GALNT18: variants seen among roughly 807,000 people sequenced by gnomAD.
GALNT18 encodes GalNAc-transferase 18.
GALNT18 carries 44 observed loss-of-function variants against 69.5 expected under a neutral mutation model. The observed-to-expected ratio is 0.63, with a 90% CI of 0.50 to 0.81. The LOEUF (loss-of-function observed/expected upper bound fraction) is 0.81, where lower values mean the gene tolerates loss of function less well. GALNT18 is among the 40% of genes least tolerant of loss of function. GALNT18 has a pLI of 0.00. For synonymous variants in GALNT18, 364 were observed against 318.2 expected, an observed-to-expected ratio of 1.14 and a Z score of -1.53; for missense variants, 715 against 810.0, an observed-to-expected ratio of 0.88 and a Z score of 1.42.
At position 11,470,003 on chromosome 11, in the gene GALNT18, C is replaced by A. The variant is rs1332665115; in HGVS notation, c.236-21067G>T. On this transcript the variant is annotated intron_variant, in intron 1 of 10. Coordinates refer to ENST00000227756, the MANE Select transcript of GALNT18 (RefSeq NM_198516.3). This position sits in a 1 kb window ranked among gnomAD's most constrained non-coding sequence, Gnocchi z 4.8. Reference sequence around the variant, plus strand: ...AATGAATTGAAGTCCTGTTTGCTTGCCTTTGTAACTGCTTCCCATAGGAAC... The same window carrying A: ...AATGAATTGAAGTCCTGTTTGCTTGACTTTGTAACTGCTTCCCATAGGAAC... Among the ~76,000 whole-genome samples the A allele has an allele frequency of 6.6e-6, 1 of 152,182 alleles. No individual in the cohort carries two copies. Among genetic ancestry groups the A allele is most frequent in the African/African-American group, 2.4e-5 (1 of 41,442 alleles).
At position 11,314,919 on chromosome 11, in the gene GALNT18, G is replaced by C. The variant is rs181926695; in HGVS notation, c.1512+12167C>G. 2.0e-4 allele frequency among the ~76,000 whole-genome samples: 30 copies of C among 152,238 alleles called. No individual in the cohort carries two copies. Among genetic ancestry groups the C allele is most frequent in the Non-Finnish European group, 1.5e-5 (1 of 68,022 alleles). ...CCTACACACTCAACTATTGGTGGTGGGGCCTAGGGATATCTTTACATGTTT... is the reference window on the plus strand; with the variant it reads ...CCTACACACTCAACTATTGGTGGTGCGGCCTAGGGATATCTTTACATGTTT... On this transcript the variant is annotated intron_variant, in intron 9 of 10. Transcript: ENST00000227756. This position sits in a 1 kb window ranked among gnomAD's most constrained non-coding sequence, Gnocchi z 5.2.
rs978000386 is a variant in GALNT18, at chr11:11,347,849, T to C, written c.1093-6845A>G. ...TTGGCTGCAAAAGCAGAGACAAGAG[T>C]GAAAAGCCAAAACCAGCAGGCTATG... is the stretch of plus-strand genomic sequence containing the variant. On this transcript the variant is annotated intron_variant, in intron 6 of 10. Coordinates refer to ENST00000227756, the MANE Select transcript of GALNT18 (RefSeq NM_198516.3). This position sits in a 1 kb window ranked among gnomAD's most constrained non-coding sequence, Gnocchi z 4.0. Among the ~76,000 whole-genome samples, 1 of 151,766 alleles carries C rather than the reference T, an allele frequency of 6.6e-6. No homozygotes were observed. Among genetic ancestry groups the C allele is most frequent in the Non-Finnish European group, 1.5e-5 (1 of 67,972 alleles).
intron 1 of GALNT18, among the ~76,000 whole-genome samples, chr11:11,577,997 G>A (rs568652204): frequency 9.4e-6 from 1 of 106,396 alleles, no homozygotes; most frequent in African/African-American, 3.1e-5. Flanking sequence ...CTGTCCCCAG[G>A]ACCCTTCCCT....
In GALNT18 at chr11:11,621,796, G is replaced by A. The variant is rs946920184; in HGVS notation, c.-203C>T. ...GCTCCTGCCGCTGGCCACCCGGAGAGACCTTGACAAAGGAAACCAGGTGGA... is the reference window on the plus strand; with the variant it reads ...GCTCCTGCCGCTGGCCACCCGGAGAAACCTTGACAAAGGAAACCAGGTGGA... On this transcript the variant is annotated 5_prime_UTR_variant, in exon 1 of 11. Transcript: ENST00000227756. This position sits in a 1 kb window ranked among gnomAD's most constrained non-coding sequence, Gnocchi z 9.3. The A allele has an allele frequency of 3.0e-5, 18 of 590,884 alleles. No individual in the cohort carries two copies. In the Admixed American group the frequency reaches 4.8e-4, roughly 16 times the overall value. 36.6% of individuals were successfully genotyped at this position (590,884 alleles called of 1,614,324 possible).
rs939929344 is a variant in GALNT18, at chr11:11,604,921, T to C, written c.235+16438A>G. On this transcript the variant is annotated intron_variant, in intron 1 of 10. Coordinates refer to ENST00000227756, the MANE Select transcript of GALNT18 (RefSeq NM_198516.3). This position sits in a 1 kb window ranked among gnomAD's most constrained non-coding sequence, Gnocchi z 5.6. ...CTCTCCTCGGTTGACCCACTGGCTATTGCTCCTGGCCGTGAGTCTGCGGAG... is the reference window on the plus strand; with the variant it reads ...CTCTCCTCGGTTGACCCACTGGCTACTGCTCCTGGCCGTGAGTCTGCGGAG... Among the ~76,000 whole-genome samples, 1 of 152,150 alleles carries C rather than the reference T, an allele frequency of 6.6e-6. No homozygotes were observed. The highest frequency in any genetic ancestry group is 1.5e-5 in the Non-Finnish European group (1 of 68,022).
At chr11:11,285,030 A>T (rs1849166833) in intron 10 of GALNT18, among the ~76,000 whole-genome samples, 1 of 150,126 alleles carries the variant, frequency 6.7e-6, no homozygotes, top group Non-Finnish European at 1.5e-5. Flanking sequence ...AGATGGGGTA[A>T]CAGGAACATC....
chr11:11,311,376 T>C (rs951269555), intron 9 of GALNT18, among the ~76,000 whole-genome samples: 2 of 152,192 alleles, frequency 1.3e-5, no homozygotes, highest in African/African-American at 4.8e-5. Flanking sequence ...ACTTATACTC[T>C]GTCACTGGCT....
chr11:11,446,687 C>G (rs1855660572), intron 2 of GALNT18, among the ~76,000 whole-genome samples: 1 of 152,226 alleles, frequency 6.6e-6, no homozygotes, highest in South Asian at 2.1e-4. Context: ...CACCTGGAAG[C>G]CTCTTAATTG....
rs376063738 is a variant in GALNT18, at chr11:11,582,837, G to A, written c.235+38522C>T. Among the ~76,000 whole-genome samples, 30 of 152,272 alleles carry A rather than the reference G, an allele frequency of 2.0e-4. No individual in the cohort carries two copies. The highest frequency in any genetic ancestry group is 1.2e-3 in the East Asian group (6 of 5,182). Reference sequence around the variant, plus strand: ...AAGATTACTCTAGTTGTTGAGTGAAGAACGGACCCACATCAGCTGCACCTC... The same window carrying A: ...AAGATTACTCTAGTTGTTGAGTGAAAAACGGACCCACATCAGCTGCACCTC... On this transcript the variant is annotated intron_variant, in intron 1 of 10. Coordinates refer to ENST00000227756, the MANE Select transcript of GALNT18 (RefSeq NM_198516.3). The surrounding 1 kb of genome is among the most constrained non-coding windows in gnomAD (Gnocchi z 5.0).
Position 11,332,871 on chromosome 11 carries a change from G to A in GALNT18, c.1279-40C>T. 1 of 1,603,974 alleles carries A rather than the reference G, an allele frequency of 6.2e-7. No homozygotes were observed. Among genetic ancestry groups the A allele is most frequent in the Non-Finnish European group, 8.5e-7 (1 of 1,177,584 alleles). ...AGAAGCAGAGATGAAGCCACTCCCA[G>A]GTTGCAGCTTCTCCCCAAACTCTAC... On this transcript the variant is annotated intron_variant, in intron 7 of 10. Coordinates refer to ENST00000227756, the MANE Select transcript of GALNT18 (RefSeq NM_198516.3). This position sits in a 1 kb window ranked among gnomAD's most constrained non-coding sequence, Gnocchi z 4.3.
intron 1 of GALNT18, among the ~76,000 whole-genome samples, chr11:11,485,009 C>T (rs1401360324): frequency 3.9e-5 from 6 of 152,220 alleles, no homozygotes; most frequent in Non-Finnish European, 5.9e-5. Context: ...GGGCAAGTCA[C>T]TCAACATTTC....
At position 11,293,179 on chromosome 11, in the gene GALNT18, C is replaced by T. The variant is rs753239923; in HGVS notation, c.1527G>A (p.Thr509=). ...TGCCCACATGGATCTGCTGACTGCT[C>T]GTGTAGTACACGTTCTGGGGGCGGA... ...HGMTPQNVYY[T]SSQQIHVGIL... is the part of the protein sequence containing the mutation. The change falls in exon 10 of 11, where the codon ACG becomes ACA. Residue 509 remains threonine (T), a synonymous_variant. Transcript: ENST00000227756. 96 of 1,331,622 alleles carry T rather than the reference C, an allele frequency of 7.2e-5. No individual in the cohort carries two copies. The highest frequency in any genetic ancestry group is 8.5e-5 in the Non-Finnish European group (88 of 1,031,066). The allele number at this position is 1,331,622 out of a possible 1,614,324, so 82.5% of individuals were successfully genotyped here. A position where few individuals can be genotyped will look rare whatever the true frequency, so the allele number is the denominator to read the frequency against.
intron 1 of GALNT18, among the ~76,000 whole-genome samples, chr11:11,585,553 T>C (rs1246945984): frequency 6.6e-6 from 1 of 151,972 alleles, no homozygotes; most frequent in African/African-American, 2.4e-5. Context: ...TGGGGTTTCT[T>C]CCATGTTGGT....
intron 6 of GALNT18, among the ~76,000 whole-genome samples, chr11:11,363,806 G>A (rs1020013359): frequency 6.6e-6 from 1 of 152,068 alleles, no homozygotes; most frequent in Non-Finnish European, 1.5e-5. Context: ...AGTAAGCTGG[G>A]TTCCTTAGGG....
intron 2 of GALNT18, among the ~76,000 whole-genome samples, chr11:11,446,998 C>A (rs1174811504): frequency 6.6e-6 from 1 of 152,142 alleles, no homozygotes; most frequent in African/African-American, 2.4e-5. Context: ...TTTTTTAAGG[C>A]TCCCGTGATG....
intron 9 of GALNT18, among the ~76,000 whole-genome samples, chr11:11,300,369 G>A (rs532479595): frequency 1.6e-4 from 25 of 152,298 alleles, no homozygotes; most frequent in African/African-American, 6.0e-4. Flanking sequence ...GTTATATTGG[G>A]ACACTGTTTA....
At position 11,599,462 on chromosome 11, in the gene GALNT18, CCTTT is replaced by C. The variant is rs374516228; in HGVS notation, c.235+21893_235+21896del. 7.4e-4 allele frequency among the ~76,000 whole-genome samples: 113 copies of C among 152,054 alleles called. 1 individual carries two copies. In the East Asian group the frequency reaches 0.016, roughly 22 times the overall value. ...GTTTGCATTGTGTATCTTTCTTCAT[CCTTT>C]CTCTTTCAAATTATTTATATCTTTG... On this transcript the variant is annotated intron_variant, in intron 1 of 10. Coordinates refer to ENST00000227756, the MANE Select transcript of GALNT18 (RefSeq NM_198516.3).
At chr11:11,282,600 C>A (rs913939639) in intron 10 of GALNT18, among the ~76,000 whole-genome samples, 1 of 152,150 alleles carries the variant, frequency 6.6e-6, no homozygotes, top group Admixed American at 6.5e-5. Context: ...CCAGCCCCAG[C>A]CCTTGCCTAT....
chr11:11,279,050 C>G (rs1324872750), intron 10 of GALNT18, among the ~76,000 whole-genome samples: 1 of 152,182 alleles, frequency 6.6e-6, no homozygotes, highest in African/African-American at 2.4e-5. Flanking sequence ...GGGGCCGGAT[C>G]CCTCATGACG....
Sources: gnomAD v4.1 joint callset for allele counts (sites outside exome capture counted in the v4.1 genomes callset) on GRCh38, gnomAD v4.1.1 for gene constraint, Gnocchi (gnomAD v3.1) non-coding constraint, MANE v1.5 for transcripts, NCBI Gene and HGNC (gene_info 2026-07-23, HGNC 2026-07-21) for gene names.